Variants in CADPS2 observed in about 807,000 individuals in gnomAD.
CADPS2 encodes calcium-dependent secretion activator 2.
A neutral mutation model predicts 172.5 loss-of-function variants in CADPS2; 93 were observed. The ratio of observed to expected loss-of-function variants is 0.54; its 90% CI spans 0.46 to 0.64. The LOEUF is 0.64. CADPS2 is among the 30% of genes least tolerant of loss of function. CADPS2 has a pLI of 0.00. For synonymous variants in CADPS2, 546 were observed against 555.2 expected, an observed-to-expected ratio of 0.98 and a Z score of 0.23; for missense variants, 1,420 against 1,565.9, an observed-to-expected ratio of 0.91 and a Z score of 1.57.
chr7:122,624,413 T>A (rs145129994), intron 4 of CADPS2, among the ~76,000 whole-genome samples: 1,683 of 152,294 alleles, frequency 0.011, 34 homozygotes, highest in African/African-American at 0.039. Flanking sequence ...CTTTTTCTTA[T>A]GCGCTCTTAA....
At chr7:122,421,177 C>T (rs1225728457) in intron 17 of CADPS2, 1 of 152,120 alleles carries the variant, frequency 6.6e-6, no homozygotes. Flanking sequence ...CATGCTTTGA[C>T]CTTAACTTTA....
At chr7:122,757,278 C>G (rs1306872362) in intron 1 of CADPS2, among the ~76,000 whole-genome samples, 1 of 151,998 alleles carries the variant, frequency 6.6e-6, no homozygotes, top group Non-Finnish European at 1.5e-5. Context: ...TCCCAAATAG[C>G]TGGGACTTGG....
intron 1 of CADPS2, among the ~76,000 whole-genome samples, chr7:122,833,603 C>T (rs1257512803): frequency 6.6e-6 from 1 of 151,824 alleles, no homozygotes; most frequent in Non-Finnish European, 1.5e-5. Context: ...ACCATGTTGG[C>T]CAGGCTGGTC....
chr7:122,718,426 G>C (rs2089953982), intron 2 of CADPS2, among the ~76,000 whole-genome samples: 1 of 151,980 alleles, frequency 6.6e-6, no homozygotes, highest in South Asian at 2.1e-4. Flanking sequence ...AGAAAGATGG[G>C]GAGGCTTAGG....
chr7:122,759,815 T>A (rs774898734), intron 1 of CADPS2, among the ~76,000 whole-genome samples: 11 of 152,212 alleles, frequency 7.2e-5, no homozygotes, highest in Non-Finnish European at 1.6e-4. Flanking sequence ...CTAATTTTAT[T>A]CAAATTATAT....
intron 6 of CADPS2, among the ~76,000 whole-genome samples, chr7:122,613,025 A>T (rs1244394534): frequency 2.6e-5 from 4 of 152,156 alleles, no homozygotes; most frequent in Admixed American, 6.6e-5. Flanking sequence ...CTTACATTAC[A>T]CCATATACAA....
chr7:122,524,416 T>A (rs1174273335), intron 8 of CADPS2, among the ~76,000 whole-genome samples: 8 of 152,154 alleles, frequency 5.3e-5, no homozygotes, highest in Non-Finnish European at 1.2e-4. Flanking sequence ...CTACATACAC[T>A]CTAAAAAAAT....
intron 3 of CADPS2, among the ~76,000 whole-genome samples, chr7:122,629,622 C>T (rs1459709632): frequency 6.6e-6 from 1 of 152,082 alleles, no homozygotes; most frequent in South Asian, 2.1e-4. Flanking sequence ...AAAGATGAAG[C>T]TCTTGTTTTG....
intron 2 of CADPS2, among the ~76,000 whole-genome samples, chr7:122,730,034 T>A (rs183267450): frequency 2.1e-4 from 32 of 151,684 alleles, no homozygotes; most frequent in African/African-American, 7.5e-4. Context: ...ATATTGGAGG[T>A]AAGAAACTTA....
At chr7:122,367,716 T>TGTA (rs2041147266) in intron 25 of CADPS2, among the ~76,000 whole-genome samples, 1 of 103,808 alleles carries the variant, frequency 9.6e-6, no homozygotes, top group African/African-American at 3.5e-5. Flanking sequence ...GCTAATTTTT[T>TGTA]TTTTTTTTTT....
chr7:122,806,534 T>G (rs1342545992), intron 1 of CADPS2, among the ~76,000 whole-genome samples: 1 of 152,218 alleles, frequency 6.6e-6, no homozygotes, highest in Non-Finnish European at 1.5e-5. Flanking sequence ...TTAAGATGTC[T>G]AAAAAACAAA....
intron 1 of CADPS2, among the ~76,000 whole-genome samples, chr7:122,762,105 A>G (rs1160084320): frequency 1.3e-5 from 2 of 151,168 alleles, no homozygotes; most frequent in Non-Finnish European, 2.9e-5. Context: ...TGTAATATAC[A>G]TGTGTATATA....
intron 6 of CADPS2, among the ~76,000 whole-genome samples, chr7:122,609,672 C>G (rs906003797): frequency 2.0e-5 from 3 of 152,170 alleles, no homozygotes; most frequent in Non-Finnish European, 4.4e-5. Context: ...ATGTACCAAC[C>G]TCACACGCTG....
chr7:122,405,037 G>A (rs974117880), intron 20 of CADPS2, among the ~76,000 whole-genome samples: 5 of 151,908 alleles, frequency 3.3e-5, no homozygotes, highest in East Asian at 1.9e-4. Context: ...AGCCGAGATC[G>A]CGTCATTGCA....
At chr7:122,530,223 C>T (rs1746556631) in intron 8 of CADPS2, among the ~76,000 whole-genome samples, 1 of 151,376 alleles carries the variant, frequency 6.6e-6, no homozygotes, top group Admixed American at 6.6e-5. Flanking sequence ...TATTTGTGAA[C>T]TCTAAAAAGC....
chr7:122,590,016 T>C (rs1316654344), intron 6 of CADPS2, among the ~76,000 whole-genome samples: 2 of 151,904 alleles, frequency 1.3e-5, no homozygotes, highest in African/African-American at 4.8e-5. Context: ...AACATTTCCT[T>C]ATTTAAGATG....
At chr7:122,606,458 C>T (rs945367301) in intron 6 of CADPS2, among the ~76,000 whole-genome samples, 20 of 152,156 alleles carry the variant, frequency 1.3e-4, no homozygotes, top group African/African-American at 4.6e-4. Flanking sequence ...GTTAGGGTAG[C>T]AAAGGTCTGG....
chr7:122,863,394 C>G (rs1217192831), intron 1 of CADPS2, among the ~76,000 whole-genome samples: 4 of 152,122 alleles, frequency 2.6e-5, no homozygotes, highest in Admixed American at 1.3e-4. Context: ...AATTATTCAT[C>G]ATGCATTTCA....
At chr7:122,396,674 A>T (rs980302992) in intron 20 of CADPS2, among the ~76,000 whole-genome samples, 1 of 152,152 alleles carries the variant, frequency 6.6e-6, no homozygotes, top group Non-Finnish European at 1.5e-5. Context: ...CTGCTCCTCA[A>T]ATCCTTTCTA....
Sources: allele counts gnomAD v4.1 joint callset (sites outside exome capture counted in the v4.1 genomes callset), GRCh38; gene constraint gnomAD v4.1.1; transcripts MANE v1.5; gene names NCBI Gene and HGNC (gene_info 2026-07-23, HGNC 2026-07-21).